The following GRM8 variants were observed in gnomAD, a reference collection of about 807,000 sequenced individuals.
GRM8 encodes metabotropic glutamate receptor 8.
Under a neutral mutation model 87.2 loss-of-function variants are expected in GRM8, and 47 were observed. The ratio of observed to expected loss-of-function variants is 0.54; its 90% CI spans 0.43 to 0.69. The LOEUF is 0.69. GRM8 is among the 30% of genes least tolerant of loss of function. The pLI is 0.00. For missense variants in GRM8, 1,019 were observed against 1,139.2 expected (o/e 0.89, Z 1.52); for synonymous variants, 396 against 404.5 (o/e 0.98, Z 0.25).
intron 2 of GRM8, among the ~76,000 whole-genome samples, chr7:127,223,467 AC>A: frequency 6.6e-6 from 1 of 151,222 alleles, no homozygotes; most frequent in South Asian, 2.1e-4. Context: ...ACACACACAC[AC>A]ACACACACAC....
chr7:126,714,452 T>C (rs1585633812), intron 7 of GRM8, among the ~76,000 whole-genome samples: 1 of 152,038 alleles, frequency 6.6e-6, no homozygotes, highest in African/African-American at 2.4e-5. Context: ...ATTTTACACA[T>C]GGAAAAAACC....
chr7:126,494,260 C>T (rs535134397), intron 9 of GRM8, among the ~76,000 whole-genome samples: 3 of 152,112 alleles, frequency 2.0e-5, no homozygotes, highest in South Asian at 2.1e-4. Context: ...TAAATTGTCA[C>T]CATTTTTTAA....
intron 2 of GRM8, among the ~76,000 whole-genome samples, chr7:127,193,939 T>A (rs1289410080): frequency 6.6e-6 from 1 of 152,168 alleles, no homozygotes; most frequent in African/African-American, 2.4e-5. Flanking sequence ...TGTCATTACA[T>A]GAATTATACT....
At chr7:126,474,136 A>G (rs1725718312) in intron 9 of GRM8, among the ~76,000 whole-genome samples, 1 of 152,060 alleles carries the variant, frequency 6.6e-6, no homozygotes, top group South Asian at 2.1e-4. Flanking sequence ...AACAATTTGG[A>G]ATGATTTATT....
chr7:126,552,708 G>T (rs1006105791), intron 8 of GRM8, among the ~76,000 whole-genome samples: 6 of 151,946 alleles, frequency 3.9e-5, no homozygotes, highest in African/African-American at 1.5e-4. Context: ...ATTTAAAATG[G>T]TTATACATGT....
intron 2 of GRM8, among the ~76,000 whole-genome samples, chr7:127,211,013 ATCT>A (rs1563581035): frequency 6.6e-6 from 1 of 152,210 alleles, no homozygotes; most frequent in African/African-American, 2.4e-5. Context: ...CATGGCCTGA[ATCT>A]TCATGTCCCT....
chr7:126,901,936 CA>C lies in GRM8; in HGVS notation c.1156+605del, dbSNP rs201333880. Among the ~76,000 whole-genome samples the C allele has an allele frequency of 3.7e-4, 54 of 147,814 alleles. No homozygotes were observed. The South Asian group carries it at 6.0e-3, about 16-fold the overall frequency. ...TGCTCAGTTCTAAGTAACTCTGTCT[CA>C]AAAAAAAAATTATGCGAGTTTTTTT... On this transcript the variant is annotated intron_variant, in intron 6 of 10. Coordinates refer to ENST00000339582, the MANE Select transcript of GRM8 (RefSeq NM_000845.3).
chr7:126,752,646 G>C (rs1261792916), intron 7 of GRM8, among the ~76,000 whole-genome samples: 1 of 152,022 alleles, frequency 6.6e-6, no homozygotes, highest in Non-Finnish European at 1.5e-5. Flanking sequence ...ATCATACTTT[G>C]AGAACTTCAG....
At chr7:127,075,072 T>C (rs17866951) in intron 3 of GRM8, among the ~76,000 whole-genome samples, 1,988 of 152,236 alleles carry the variant, frequency 0.013, 47 homozygotes, top group African/African-American at 0.045. Flanking sequence ...TATGTAGGAG[T>C]CTTACTCATT....
intron 3 of GRM8, among the ~76,000 whole-genome samples, chr7:127,082,657 C>T (rs954848711): frequency 6.6e-6 from 1 of 152,170 alleles, no homozygotes; most frequent in African/African-American, 2.4e-5. Context: ...ACAATCTTAG[C>T]TGTTATTAGT....
chr7:126,579,616 T>A (rs898501738), intron 8 of GRM8, among the ~76,000 whole-genome samples: 1 of 152,102 alleles, frequency 6.6e-6, no homozygotes, highest in East Asian at 1.9e-4. Context: ...AAAGTTTTTA[T>A]GAGAAGGGAA....
intron 3 of GRM8, among the ~76,000 whole-genome samples, chr7:127,096,284 G>A (rs1241557871): frequency 6.6e-6 from 1 of 152,154 alleles, no homozygotes; most frequent in Admixed American, 6.5e-5. Context: ...TTGAGGCTGG[G>A]TGTGGTGGTT....
At chr7:126,692,098 A>G (rs1808884078) in intron 7 of GRM8, among the ~76,000 whole-genome samples, 1 of 152,190 alleles carries the variant, frequency 6.6e-6, no homozygotes, top group Non-Finnish European at 1.5e-5. Flanking sequence ...CTGGAGGGGA[A>G]AGCCAGGAAT....
At chr7:127,166,762 C>T (rs951888319) in intron 2 of GRM8, among the ~76,000 whole-genome samples, 5 of 152,154 alleles carry the variant, frequency 3.3e-5, no homozygotes, top group Non-Finnish European at 7.4e-5. Context: ...TTTGCACTCT[C>T]ACATCCTTAT....
chr7:126,804,307 T>C (rs748874818), intron 6 of GRM8, among the ~76,000 whole-genome samples: 3 of 152,248 alleles, frequency 2.0e-5, no homozygotes, highest in Non-Finnish European at 2.9e-5. Flanking sequence ...TTTCCAAATA[T>C]TCCAAACATA....
intron 3 of GRM8, among the ~76,000 whole-genome samples, chr7:127,061,065 A>C (rs1820554401): frequency 1.3e-5 from 2 of 152,206 alleles, no homozygotes; most frequent in South Asian, 4.1e-4. Flanking sequence ...GACAGGTATA[A>C]CAAACAACTG....
At position 127,011,951 on chromosome 7, in the gene GRM8, C is replaced by CACCTG. The variant is rs1292804950; in HGVS notation, c.727+94540_727+94544dup. ...TGAGCTGGCAAATACTAATATCAGC[C>CACCTG]ACCTGTGAATCGACATTAATCATTT... On this transcript the variant is annotated intron_variant, in intron 3 of 10. Transcript: ENST00000339582. Among the ~76,000 whole-genome samples, 20 of 152,100 alleles carry CACCTG rather than the reference C, an allele frequency of 1.3e-4. 1 individual carries two copies. Among genetic ancestry groups the CACCTG allele is most frequent in the Admixed American group, 1.3e-4 (2 of 15,264 alleles).
chr7:127,079,726 G>T (rs562009375), intron 3 of GRM8, among the ~76,000 whole-genome samples: 2 of 152,134 alleles, frequency 1.3e-5, no homozygotes, highest in Non-Finnish European at 2.9e-5. Flanking sequence ...GTGGCCATTT[G>T]CCTCGGGATA....
At chr7:126,926,246 TA>T (rs1382192378) in intron 3 of GRM8, among the ~76,000 whole-genome samples, 1 of 152,210 alleles carries the variant, frequency 6.6e-6, no homozygotes, top group Non-Finnish European at 1.5e-5. Flanking sequence ...CATAGAAATG[TA>T]AAAGACTATA....
Sources: gnomAD v4.1 joint callset for allele counts (sites outside exome capture counted in the v4.1 genomes callset) on GRCh38, gnomAD v4.1.1 for gene constraint, MANE v1.5 for transcripts, NCBI Gene and HGNC (gene_info 2026-07-23, HGNC 2026-07-21) for gene names.